Variants in RBM47 observed in about 807,000 individuals in gnomAD.
RBM47 encodes RNA-binding protein 47.
A neutral mutation model predicts 47.1 loss-of-function variants in RBM47; 21 were observed. That is an observed-to-expected ratio of 0.45 (90% CI 0.32 to 0.64). The LOEUF is 0.64. Among genes scored for constraint, RBM47 ranks in the 30% least tolerant of loss-of-function variants. The pLI, the probability that RBM47 is intolerant of heterozygous loss-of-function variation, is 0.05. For synonymous variants in RBM47, 375 were observed against 361.7 expected, an observed-to-expected ratio of 1.04 and a Z score of -0.42; for missense variants, 708 against 870.9, an observed-to-expected ratio of 0.81 and a Z score of 2.35.
intron 3 of RBM47, among the ~76,000 whole-genome samples, chr4:40,446,322 G>T (rs1469384150): frequency 6.6e-6 from 1 of 152,204 alleles, no homozygotes; most frequent in African/African-American, 2.4e-5. Flanking sequence ...CAGAGCTGGT[G>T]TGTGAACCCT....
chr4:40,629,360 G>A (rs1208426764), intron 1 of RBM47, 36 bp downstream of exon 1: 1 of 152,104 alleles, frequency 6.6e-6, no homozygotes, highest in African/African-American at 2.4e-5. Context: ...AAGATTAAGG[G>A]ACAATAGTTA....
At chr4:40,529,949 T>C (rs892940458) in intron 2 of RBM47, among the ~76,000 whole-genome samples, 1 of 139,682 alleles carries the variant, frequency 7.2e-6, no homozygotes, top group African/African-American at 2.6e-5. Flanking sequence ...TTTTTTTTTT[T>C]TTTTGAGATG....
At chr4:40,569,008 T>TAGACAGACAGACAGAC (rs1263134771) in intron 1 of RBM47, among the ~76,000 whole-genome samples, 1 of 135,202 alleles carries the variant, frequency 7.4e-6, no homozygotes, top group South Asian at 2.3e-4. Context: ...GATAGATAGA[T>TAGACAGACAGACAGAC]AGATAGATAG....
Position 40,576,264 on chromosome 4 carries a change from G to GGGC in RBM47, c.-239-31759_-239-31758insGCC, listed in dbSNP as rs1553903914. ...TGTTTTTTTTTTTTTTTTGGGGGGGGGCGGAGACAGGGTCTCCCCCTGTCA... is the reference window on the plus strand; with the variant it reads ...TGTTTTTTTTTTTTTTTTGGGGGGGGGGCGCGGAGACAGGGTCTCCCCCTGTCA... On this transcript the variant is annotated intron_variant, in intron 1 of 6. Transcript: ENST00000295971. Among the ~76,000 whole-genome samples, 223 of 135,862 alleles carry GGGC rather than the reference G, an allele frequency of 1.6e-3. 1 individual carries two copies. Among genetic ancestry groups the GGGC allele is most frequent in the South Asian group, 2.7e-3 (12 of 4,388 alleles). 89.1% of individuals were successfully genotyped at this position (135,862 alleles called of 152,430 possible).
rs1347742834 is a variant in RBM47 at position 40,603,612 on chromosome 4, C to CT, written c.-240+25783dup. 1.5e-4 allele frequency among the ~76,000 whole-genome samples: 23 copies of CT among 151,148 alleles called. No individual in the cohort carries two copies. The Admixed American group carries it at 1.5e-3, about 10-fold the overall frequency. The stretch of plus-strand genomic sequence containing the variant: ...CTCTCCTCTCTCTCCCTCTCTCTCT[C>CT]TTTTTTTTGAGATAGGGTCTCATCC... On this transcript the variant is annotated intron_variant, in intron 1 of 6. Coordinates refer to ENST00000295971, the MANE Select transcript of RBM47 (RefSeq NM_001098634.2).
chr4:40,564,641 A>G (rs2154267201), intron 1 of RBM47, among the ~76,000 whole-genome samples: 1 of 152,344 alleles, frequency 6.6e-6, no homozygotes, highest in Admixed American at 6.5e-5. Flanking sequence ...AGGAATCAAT[A>G]GAATTTGGAG....
At chr4:40,537,215 A>G (rs537985713) in intron 2 of RBM47, among the ~76,000 whole-genome samples, 102 of 151,712 alleles carry the variant, frequency 6.7e-4, no homozygotes, top group African/African-American at 2.4e-3. Flanking sequence ...AGGCTCAAGC[A>G]ATCGTCCCAC....
At chr4:40,507,559 C>T (rs1724284276) in intron 2 of RBM47, among the ~76,000 whole-genome samples, 1 of 152,110 alleles carries the variant, frequency 6.6e-6, no homozygotes, top group Admixed American at 6.6e-5. Flanking sequence ...GAGGCCGAGG[C>T]GGATGGATCA....
intron 1 of RBM47, among the ~76,000 whole-genome samples, chr4:40,605,132 C>T (rs1372428775): frequency 6.6e-6 from 1 of 152,082 alleles, no homozygotes; most frequent in East Asian, 1.9e-4. Context: ...AAGCAATTCT[C>T]CTGCCTCAGG....
intron 1 of RBM47, among the ~76,000 whole-genome samples, chr4:40,606,429 T>G (rs567615528): frequency 2.6e-5 from 4 of 152,270 alleles, no homozygotes; most frequent in African/African-American, 9.6e-5. Flanking sequence ...TGGTCAGATC[T>G]GTCTTCCAGA....
intron 1 of RBM47, among the ~76,000 whole-genome samples, chr4:40,617,037 A>G (rs1220939953): frequency 6.6e-6 from 1 of 151,548 alleles, no homozygotes; most frequent in Non-Finnish European, 1.5e-5. Flanking sequence ...CACTGCGGCC[A>G]GCTAATTTTT....
chr4:40,593,785 G>A (rs1734493947), intron 1 of RBM47, among the ~76,000 whole-genome samples: 1 of 151,920 alleles, frequency 6.6e-6, no homozygotes, highest in African/African-American at 2.4e-5. Flanking sequence ...TCGGGAGGCT[G>A]AGGCAGGAGA....
At chr4:40,572,327 A>T (rs1202256144) in intron 1 of RBM47, among the ~76,000 whole-genome samples, 2 of 151,490 alleles carry the variant, frequency 1.3e-5, no homozygotes, top group Non-Finnish European at 3.0e-5. Context: ...AGGTTGCGCC[A>T]CTGCACTCCA....
chr4:40,577,282 C>T (rs1016679370), intron 1 of RBM47, among the ~76,000 whole-genome samples: 3 of 152,160 alleles, frequency 2.0e-5, no homozygotes, highest in South Asian at 2.1e-4. Flanking sequence ...CCTGCACCCA[C>T]GCTTCAGCTC....
At chr4:40,627,616 C>G (rs554279893) in intron 1 of RBM47, among the ~76,000 whole-genome samples, 1 of 152,200 alleles carries the variant, frequency 6.6e-6, no homozygotes, top group African/African-American at 2.4e-5. Context: ...ATAATTTCAT[C>G]TTAACCCAAT....
At chr4:40,475,347 T>G (rs1172938497) in intron 2 of RBM47, among the ~76,000 whole-genome samples, 1 of 152,210 alleles carries the variant, frequency 6.6e-6, no homozygotes, top group Non-Finnish European at 1.5e-5. Flanking sequence ...TGGGCAACAC[T>G]GCTGATAAAT....
At chr4:40,509,069 A>T (rs1363167455) in intron 2 of RBM47, among the ~76,000 whole-genome samples, 1 of 152,074 alleles carries the variant, frequency 6.6e-6, no homozygotes, top group Non-Finnish European at 1.5e-5. Flanking sequence ...CTGAAGCAGG[A>T]GAATTGCTTG....
At chr4:40,613,035 T>C (rs1046196761) in intron 1 of RBM47, among the ~76,000 whole-genome samples, 20 of 152,238 alleles carry the variant, frequency 1.3e-4, no homozygotes, top group Admixed American at 1.1e-3. Context: ...GTCAGCCTGG[T>C]ACACGGAGCT....
At chr4:40,445,505 T>C (rs983564265) in intron 3 of RBM47, among the ~76,000 whole-genome samples, 1 of 152,220 alleles carries the variant, frequency 6.6e-6, no homozygotes, top group Admixed American at 6.5e-5. Flanking sequence ...CAAATAGTTA[T>C]TGACCACCTG....
Sources: allele counts gnomAD v4.1 joint callset (sites outside exome capture counted in the v4.1 genomes callset), GRCh38; gene constraint gnomAD v4.1.1; transcripts MANE v1.5; gene names NCBI Gene and HGNC (gene_info 2026-07-23, HGNC 2026-07-21).